The following CNTN4 variants were observed in gnomAD, a reference collection of about 807,000 sequenced individuals.
CNTN4 encodes the protein contactin 4.
A neutral mutation model predicts 122.5 loss-of-function variants in CNTN4; 77 were observed. The ratio of observed to expected loss-of-function variants is 0.63; its 90% CI spans 0.52 to 0.76. The LOEUF (loss-of-function observed/expected upper bound fraction) is 0.76, where lower values mean the gene tolerates loss of function less well. Ranked by LOEUF, CNTN4 falls within the 30% of genes least tolerant of loss-of-function variation. The pLI is 0.00. For missense variants in CNTN4, 1,256 were observed against 1,259.1 expected (o/e 1.00, Z 0.04); for synonymous variants, 512 against 447.0 (o/e 1.15, Z -1.83).
At chr3:2,784,585 A>T (rs2091737123) in intron 6 of CNTN4, among the ~76,000 whole-genome samples, 1 of 152,126 alleles carries the variant, frequency 6.6e-6, no homozygotes, top group African/African-American at 2.4e-5. Context: ...TCATGTGATG[A>T]ATGCAGTTCT....
At chr3:2,226,204 GTTA>G (rs1575121227) in intron 2 of CNTN4, among the ~76,000 whole-genome samples, 1 of 152,032 alleles carries the variant, frequency 6.6e-6, no homozygotes, top group South Asian at 2.1e-4. Context: ...TCTTACTTAT[GTTA>G]TTATGTTTTA....
chr3:2,873,110 A>G (rs1253509622), intron 8 of CNTN4, among the ~76,000 whole-genome samples: 1 of 152,182 alleles, frequency 6.6e-6, no homozygotes, highest in Non-Finnish European at 1.5e-5. Flanking sequence ...AGGGCAAGTA[A>G]AGGGATTCTG....
chr3:2,496,500 G>A (rs2076455922), intron 3 of CNTN4, among the ~76,000 whole-genome samples: 1 of 152,118 alleles, frequency 6.6e-6, no homozygotes, highest in South Asian at 2.1e-4. Context: ...GACCAGTAGA[G>A]TGCTAATAAT....
chr3:2,240,797 A>G (rs1451906076), intron 2 of CNTN4, among the ~76,000 whole-genome samples: 1 of 152,116 alleles, frequency 6.6e-6, no homozygotes, highest in East Asian at 1.9e-4. Flanking sequence ...AACGTTTGTA[A>G]ATCCAGTGAG....
chr3:2,796,407 C>G (rs576447657), intron 6 of CNTN4, among the ~76,000 whole-genome samples: 17 of 152,030 alleles, frequency 1.1e-4, no homozygotes, highest in African/African-American at 3.9e-4. Flanking sequence ...TTTGGCATAC[C>G]CTAATCTAAA....
At chr3:3,054,002 T>A in intron 24 of CNTN4, 27 bp downstream of exon 24, 1 of 1,612,018 alleles carries the variant, frequency 6.2e-7, no homozygotes, top group Non-Finnish European at 8.5e-7. Context: ...TTCTCCCTTT[T>A]CTCCTGCCTG....
chr3:2,446,788 T>G (rs1241763288), intron 3 of CNTN4, among the ~76,000 whole-genome samples: 1 of 152,214 alleles, frequency 6.6e-6, no homozygotes, highest in African/African-American at 2.4e-5. Flanking sequence ...AAAATGACAG[T>G]GCTAAATATG....
intron 2 of CNTN4, among the ~76,000 whole-genome samples, chr3:2,329,625 A>C (rs1641189061): frequency 6.6e-6 from 1 of 152,250 alleles, no homozygotes; most frequent in Admixed American, 6.5e-5. Context: ...AGTGCAGTAC[A>C]AAAAACTCAA....
intron 3 of CNTN4, among the ~76,000 whole-genome samples, chr3:2,376,688 T>TAAA (rs11404151): frequency 0.088 from 11,774 of 134,158 alleles, 897 homozygotes; most frequent in East Asian, 0.46. Context: ...ACTTGTATGT[T>TAAA]AAAAAAAAAA....
intron 3 of CNTN4, among the ~76,000 whole-genome samples, chr3:2,457,950 A>G (rs1014437332): frequency 3.3e-5 from 5 of 152,264 alleles, no homozygotes; most frequent in Admixed American, 6.5e-5. Flanking sequence ...TGACCACCTC[A>G]GGATTCACTT....
At chr3:2,796,424 A>G (rs1447876410) in intron 6 of CNTN4, among the ~76,000 whole-genome samples, 3 of 152,146 alleles carry the variant, frequency 2.0e-5, no homozygotes, top group African/African-American at 2.4e-5. Context: ...TAAAAATATC[A>G]CTTGATTAGA....
chr3:2,659,538 G>A (rs750043802), intron 4 of CNTN4, among the ~76,000 whole-genome samples: 1 of 151,394 alleles, frequency 6.6e-6, no homozygotes, highest in South Asian at 2.1e-4. Flanking sequence ...TTATCTTATA[G>A]GTATTACCCT....
In CNTN4 at chr3:2,786,157, T is replaced by C. The variant is rs78544340; in HGVS notation, c.359-33329T>C. ...TGCTGGGAGCCACTTTCATTGGCAG[T>C]AAAAGCCTCCACATTCACCACCCTC... On this transcript the variant is annotated intron_variant, in intron 6 of 24. Coordinates refer to ENST00000418658, the MANE Select transcript of CNTN4 (RefSeq NM_175607.3). Among the ~76,000 whole-genome samples the C allele has an allele frequency of 7.3e-4, 111 of 152,092 alleles. No homozygotes were observed. The East Asian group carries it at 9.7e-3, about 13-fold the overall frequency.
At chr3:2,769,951 A>G (rs2091016160) in intron 6 of CNTN4, among the ~76,000 whole-genome samples, 1 of 151,986 alleles carries the variant, frequency 6.6e-6, no homozygotes, top group Non-Finnish European at 1.5e-5. Context: ...TTTCATGGTT[A>G]GATTAGTTAT....
intron 2 of CNTN4, among the ~76,000 whole-genome samples, chr3:2,248,932 A>G (rs115481850): frequency 6.6e-6 from 1 of 151,926 alleles, no homozygotes; most frequent in Non-Finnish European, 1.5e-5. Context: ...CAGATACGAA[A>G]GGTATTCCCT....
At chr3:2,761,022 C>G (rs1486880048) in intron 6 of CNTN4, among the ~76,000 whole-genome samples, 2 of 152,100 alleles carry the variant, frequency 1.3e-5, no homozygotes, top group African/African-American at 2.4e-5. Flanking sequence ...AGCAAGAGGA[C>G]CATTTAACAT....
intron 2 of CNTN4, among the ~76,000 whole-genome samples, chr3:2,268,967 C>T (rs1272281677): frequency 5.9e-5 from 9 of 152,114 alleles, no homozygotes; most frequent in African/African-American, 1.2e-4. Context: ...GTTTCTCTGC[C>T]GATCCACAAG....
chr3:2,752,620 GGATTACAGGCGT>G, intron 6 of CNTN4, among the ~76,000 whole-genome samples: 1 of 152,212 alleles, frequency 6.6e-6, no homozygotes, highest in South Asian at 2.1e-4. Flanking sequence ...CAAAGTGCTG[GGATTACAGGCGT>G]GAGCCACCGT....
intron 3 of CNTN4, among the ~76,000 whole-genome samples, chr3:2,380,697 G>T (rs995989215): frequency 6.7e-6 from 1 of 148,730 alleles, no homozygotes; most frequent in Non-Finnish European, 1.5e-5. Context: ...TGCTTAGTGG[G>T]TTTCTTTTTT....
Sources: allele counts gnomAD v4.1 joint callset (sites outside exome capture counted in the v4.1 genomes callset), GRCh38; gene constraint gnomAD v4.1.1; transcripts MANE v1.5; gene names NCBI Gene and HGNC (gene_info 2026-07-23, HGNC 2026-07-21).